The following ASIC2 variants were observed in gnomAD, a reference collection of about 807,000 sequenced individuals.
ASIC2 encodes acid-sensing ion channel 2.
In ASIC2, 25 loss-of-function variants were observed where a neutral mutation model predicts 57.3. The observed-to-expected ratio is 0.44, with a 90% CI of 0.32 to 0.61. The LOEUF is 0.61. Ranked by LOEUF, ASIC2 falls within the 20% of genes least tolerant of loss-of-function variation. ASIC2 has a pLI of 0.06. For synonymous variants in ASIC2, 319 were observed against 307.5 expected (o/e 1.04, Z -0.39); for missense variants, 641 against 738.1 (o/e 0.87, Z 1.52).
chr17:34,142,423 CAAG>C (rs1912296264), intron 1 of ASIC2, among the ~76,000 whole-genome samples: 1 of 152,146 alleles, frequency 6.6e-6, no homozygotes, highest in South Asian at 2.1e-4. Context: ...GTGGGGATGA[CAAG>C]AGAGAGAACG....
chr17:33,453,833 G>A (rs1912354512), intron 1 of ASIC2, among the ~76,000 whole-genome samples: 1 of 152,140 alleles, frequency 6.6e-6, no homozygotes, highest in Non-Finnish European at 1.5e-5. Flanking sequence ...TCCTGTCACT[G>A]TGGATTAGTT....
chr17:33,546,253 C>A (rs1915575459), intron 1 of ASIC2, among the ~76,000 whole-genome samples: 1 of 151,752 alleles, frequency 6.6e-6, no homozygotes, highest in Admixed American at 6.6e-5. Flanking sequence ...ATATATTCAT[C>A]TTATTCATTC....
chr17:34,105,702 A>G (rs1001884066), intron 1 of ASIC2, among the ~76,000 whole-genome samples: 2 of 152,036 alleles, frequency 1.3e-5, no homozygotes, highest in African/African-American at 4.8e-5. Flanking sequence ...TATTCTTTGT[A>G]CAGATTCACC....
At chr17:33,259,350 C>A (rs1390619199) in intron 1 of ASIC2, among the ~76,000 whole-genome samples, 1 of 152,174 alleles carries the variant, frequency 6.6e-6, no homozygotes, top group Non-Finnish European at 1.5e-5. Context: ...AAACCAGGGT[C>A]ATAAAACCCT....
At chr17:33,442,632 A>T (rs996263435) in intron 1 of ASIC2, among the ~76,000 whole-genome samples, 3 of 152,098 alleles carry the variant, frequency 2.0e-5, no homozygotes, top group Admixed American at 2.0e-4. Context: ...CCTTTGCTAA[A>T]TTTGTTCACT....
chr17:33,347,719 T>G (rs1324669597), intron 1 of ASIC2, among the ~76,000 whole-genome samples: 2 of 152,188 alleles, frequency 1.3e-5, no homozygotes, highest in Non-Finnish European at 2.9e-5. Context: ...GAGCAGATAC[T>G]TAAGTCAACA....
chr17:34,047,412 C>A (rs1394267790), intron 1 of ASIC2, among the ~76,000 whole-genome samples: 2 of 151,132 alleles, frequency 1.3e-5, no homozygotes, highest in African/African-American at 2.4e-5. Flanking sequence ...AACCTCCCAG[C>A]CCTTCATCCC....
chr17:33,363,305 C>A (rs559980074), intron 1 of ASIC2, among the ~76,000 whole-genome samples: 412 of 152,300 alleles, frequency 2.7e-3, no homozygotes, highest in Non-Finnish European at 4.3e-3. Context: ...TTATTAGCTC[C>A]ATTTTACACT....
chr17:33,998,299 AATTTT>A, intron 1 of ASIC2, among the ~76,000 whole-genome samples: 1 of 152,096 alleles, frequency 6.6e-6, no homozygotes, highest in Non-Finnish European at 1.5e-5. Flanking sequence ...AAGGTTTGCC[AATTTT>A]ATTTATCTTT....
chr17:33,235,429 C>T (rs192363629), intron 1 of ASIC2, among the ~76,000 whole-genome samples: 62 of 152,314 alleles, frequency 4.1e-4, no homozygotes, highest in Middle Eastern at 3.4e-3. Context: ...GGAATTGGTG[C>T]CTTCCAGCTC....
At chr17:33,351,220 C>A (rs1427775604) in intron 1 of ASIC2, among the ~76,000 whole-genome samples, 1 of 151,926 alleles carries the variant, frequency 6.6e-6, no homozygotes, top group Non-Finnish European at 1.5e-5. Flanking sequence ...GTATTTGGCC[C>A]CCCTCCTCCC....
intron 1 of ASIC2, chr17:33,635,186 A>G (rs1007454307): frequency 6.6e-6 from 1 of 152,216 alleles, no homozygotes; most frequent in Non-Finnish European, 1.5e-5. Context: ...GAAGATTATA[A>G]TGAAATTAGG....
intron 1 of ASIC2, among the ~76,000 whole-genome samples, chr17:33,977,776 A>C (rs1326018761): frequency 6.6e-6 from 1 of 151,990 alleles, no homozygotes; most frequent in Non-Finnish European, 1.5e-5. Flanking sequence ...GTCCCTCCCA[A>C]CAGAAGCCTC....
chr17:33,868,837 G>T (rs1446857127), intron 1 of ASIC2, among the ~76,000 whole-genome samples: 1 of 152,214 alleles, frequency 6.6e-6, no homozygotes, highest in East Asian at 1.9e-4. Context: ...GCCAAGATGG[G>T]AGGATCACTT....
chr17:33,580,707 G>A (rs2347548), intron 1 of ASIC2, among the ~76,000 whole-genome samples: 1 of 151,932 alleles, frequency 6.6e-6, no homozygotes, highest in East Asian at 1.9e-4. Context: ...CAGGTACTTC[G>A]TCAGTGGGAT....
chr17:33,456,884 C>G lies in ASIC2; in HGVS notation c.556-344817G>C, dbSNP rs546689129. Among the ~76,000 whole-genome samples the G allele has an allele frequency of 7.9e-5, 12 of 152,300 alleles. No individual in the cohort carries two copies. The East Asian group carries it at 1.7e-3, about 22-fold the overall frequency. On this transcript the variant is annotated intron_variant, in intron 1 of 9. Transcript: ENST00000359872. Reference sequence around the variant, plus strand: ...CTGTAAAATGGGGATAGTACGAGTACTCAACAACTGTCAGATTGAAAGGCA... The same window carrying G: ...CTGTAAAATGGGGATAGTACGAGTAGTCAACAACTGTCAGATTGAAAGGCA...
intron 1 of ASIC2, among the ~76,000 whole-genome samples, chr17:33,233,398 C>T (rs112887504): frequency 0.017 from 2,595 of 152,006 alleles, 60 homozygotes; most frequent in African/African-American, 0.054. Context: ...ACTACACCAC[C>T]GTGTGTGTCA....
intron 1 of ASIC2, among the ~76,000 whole-genome samples, chr17:34,033,020 G>A (rs1367034289): frequency 6.6e-6 from 1 of 152,168 alleles, no homozygotes; most frequent in East Asian, 1.9e-4. Flanking sequence ...GGACCTTGTA[G>A]ACATCTACAG....
chr17:33,682,237 T>A (rs1158110333), intron 1 of ASIC2, among the ~76,000 whole-genome samples: 3 of 151,830 alleles, frequency 2.0e-5, no homozygotes, highest in South Asian at 4.2e-4. Context: ...TTTTTTTTTT[T>A]TTTATTTTTA....
Sources: allele counts gnomAD v4.1 joint callset (sites outside exome capture counted in the v4.1 genomes callset), GRCh38; gene constraint gnomAD v4.1.1; transcripts MANE v1.5; gene names NCBI Gene and HGNC (gene_info 2026-07-23, HGNC 2026-07-21).